HTR2C: variants seen among roughly 807,000 people sequenced by gnomAD.
HTR2C encodes the protein 5-hydroxytryptamine receptor 2C.
In HTR2C, 5 loss-of-function variants were observed where a neutral mutation model predicts 21.0. That is an observed-to-expected ratio of 0.24 (90% confidence interval 0.12 to 0.50). The LOEUF is 0.50. Among genes scored for constraint, HTR2C ranks in the 20% least tolerant of loss-of-function variants. HTR2C has a pLI of 0.98. For synonymous variants in HTR2C, 150 were observed against 145.3 expected, an observed-to-expected ratio of 1.03 and a Z score of -0.23; for missense variants, 271 against 371.2, an observed-to-expected ratio of 0.73 and a Z score of 2.22.
chrX:114,775,720 G>T, intron 4 of HTR2C: 2 of 599,781 alleles, frequency 3.3e-6, no homozygotes, highest in Non-Finnish European at 5.3e-6. Context: ...CTTTTCTATT[G>T]AAGATGTCTT....
At chrX:114,843,300 T>C (rs1259972864) in intron 4 of HTR2C, among the ~76,000 whole-genome samples, 1 of 110,854 alleles carries the variant, frequency 9.0e-6, no homozygotes, top group Non-Finnish European at 1.9e-5. Context: ...CAAAAAACAA[T>C]GGAAATATGG....
chrX:114,908,880 T>C lies in HTR2C; in HGVS notation c.*1465T>C, dbSNP rs1339717530. ...AGTATACAAGTGTTTCTAGTAACAG[T>C]ATTTCCATACGTGCCCATTTCACAC... On this transcript the variant is annotated 3_prime_UTR_variant, in exon 6 of 6. Transcript: ENST00000276198. The C allele has an allele frequency of 8.9e-6, 1 of 112,767 alleles. No individual in the cohort carries two copies. Among genetic ancestry groups the C allele is most frequent in the East Asian group, 2.8e-4 (1 of 3,577 alleles). The allele number at this position is 112,767 out of a possible 1,213,427, so 9.3% of individuals were successfully genotyped here.
rs190345569 is a variant in HTR2C, at chrX:114,648,756, T to G, written c.-80+34875T>G. 2.2e-4 allele frequency among the ~76,000 whole-genome samples: 24 copies of G among 111,589 alleles called. No individual in the cohort carries two copies. The Admixed American group carries it at 2.3e-3, about 11-fold the overall frequency. ...AAGAAAGTTATGCAAATTGACAGATTGTTGGTGTCATCATCATTATTGCTT... is the reference window on the plus strand; with the variant it reads ...AAGAAAGTTATGCAAATTGACAGATGGTTGGTGTCATCATCATTATTGCTT... On this transcript the variant is annotated intron_variant, in intron 2 of 5. Transcript: ENST00000276198.
intron 4 of HTR2C, among the ~76,000 whole-genome samples, chrX:114,734,984 T>G (rs782482119): frequency 1.2e-4 from 13 of 111,577 alleles, no homozygotes; most frequent in African/African-American, 4.2e-4. Context: ...ATTCAGGGAA[T>G]TATGTACCAC....
chrX:114,892,920 A>AT (rs782425407), intron 5 of HTR2C, among the ~76,000 whole-genome samples: 77 of 101,970 alleles, frequency 7.6e-4, no homozygotes, highest in Middle Eastern at 5.1e-3. Context: ...TTTTATTTTT[A>AT]TTTTTTTTTT....
intron 5 of HTR2C, among the ~76,000 whole-genome samples, chrX:114,894,481 AT>A (rs2071281521): frequency 9.1e-6 from 1 of 110,179 alleles, no homozygotes; most frequent in African/African-American, 3.3e-5. Flanking sequence ...CTAAAGAGTC[AT>A]TTTTTGGGGT....
chrX:114,724,108 C>T (rs1556421293), intron 2 of HTR2C, among the ~76,000 whole-genome samples: 1 of 105,971 alleles, frequency 9.4e-6, no homozygotes, highest in Non-Finnish European at 1.9e-5. Context: ...CTAATGTTGA[C>T]AGTGGGGTGT....
At chrX:114,667,133 G>A (rs1931205346) in intron 2 of HTR2C, among the ~76,000 whole-genome samples, 1 of 110,819 alleles carries the variant, frequency 9.0e-6, no homozygotes, top group Non-Finnish European at 1.9e-5. Context: ...AAACCTATAA[G>A]CAACAAATTT....
At chrX:114,737,229 C>CTTTTT (rs200101973) in intron 4 of HTR2C, among the ~76,000 whole-genome samples, 2 of 97,289 alleles carry the variant, frequency 2.1e-5, no homozygotes, top group African/African-American at 3.9e-5. Flanking sequence ...CTTTTCTTTT[C>CTTTTT]TTTTTTTTTT....
At position 114,770,109 on chromosome X, in the gene HTR2C, T is replaced by C. The variant is rs782420899; in HGVS notation, c.349+38502T>C. Among the ~76,000 whole-genome samples the C allele has an allele frequency of 4.5e-5, 5 of 111,652 alleles. No individual in the cohort carries two copies. In the South Asian group the frequency reaches 1.9e-3, roughly 42 times the overall value. ...CTTATTTGGGTCCCTTTGTATATAT[T>C]GAGTCATTTATCTCTTGCTTCTTCC... On this transcript the variant is annotated intron_variant, in intron 4 of 5. Transcript: ENST00000276198.
chrX:114,785,851 G>A (rs2070169746), intron 4 of HTR2C, among the ~76,000 whole-genome samples: 1 of 112,095 alleles, frequency 8.9e-6, no homozygotes, highest in African/African-American at 3.2e-5. Flanking sequence ...AATAAAAGAT[G>A]GGGAAAATTC....
At chrX:114,591,919 C>G (rs1556391269) in intron 1 of HTR2C, among the ~76,000 whole-genome samples, 2 of 111,731 alleles carry the variant, frequency 1.8e-5, no homozygotes, top group African/African-American at 3.2e-5. Context: ...ACATTGATTT[C>G]TCTCTTTCCT....
intron 1 of HTR2C, among the ~76,000 whole-genome samples, chrX:114,607,963 G>T (rs1928539245): frequency 9.0e-6 from 1 of 110,994 alleles, no homozygotes. Flanking sequence ...CTCCAACCTG[G>T]GCAACAGAAA....
At chrX:114,744,157 C>A (rs1474265956) in intron 4 of HTR2C, among the ~76,000 whole-genome samples, 1 of 110,236 alleles carries the variant, frequency 9.1e-6, no homozygotes, top group African/African-American at 3.3e-5. Flanking sequence ...TCACATTGTA[C>A]ATTTTAAATA....
At chrX:114,641,895 C>T (rs1320218318) in intron 2 of HTR2C, among the ~76,000 whole-genome samples, 1 of 110,807 alleles carries the variant, frequency 9.0e-6, no homozygotes, top group East Asian at 2.8e-4. Context: ...CCTCCCCTTA[C>T]CCCCACTCCC....
At chrX:114,809,498 C>T (rs1348716896) in intron 4 of HTR2C, among the ~76,000 whole-genome samples, 3 of 109,374 alleles carry the variant, frequency 2.7e-5, no homozygotes, top group Non-Finnish European at 3.8e-5. Flanking sequence ...ATTCTCCTGC[C>T]TCAGCCTCCC....
rs181350927 is a variant in HTR2C, at chrX:114,659,206, T to C, written c.-80+45325T>C. On this transcript the variant is annotated intron_variant, in intron 2 of 5. Transcript: ENST00000276198. The stretch of plus-strand genomic sequence containing the variant: ...GGGGTAACTACCCCTATGATTCAGT[T>C]ACCTCCCACCGGATCCCTCCCACAA... Among the ~76,000 whole-genome samples, 735 of 111,254 alleles carry C rather than the reference T, an allele frequency of 6.6e-3. 4 individuals are homozygous for C. The highest frequency in any genetic ancestry group is 0.01 in the Non-Finnish European group (540 of 53,009).
At chrX:114,600,712 A>T (rs1264293979) in intron 1 of HTR2C, among the ~76,000 whole-genome samples, 1 of 111,628 alleles carries the variant, frequency 9.0e-6, no homozygotes, top group Admixed American at 9.6e-5. Context: ...TACTGTCTTT[A>T]TACTTTTGTA....
intron 4 of HTR2C, among the ~76,000 whole-genome samples, chrX:114,831,623 G>A (rs1289276905): frequency 4.7e-5 from 5 of 105,768 alleles, no homozygotes; most frequent in Non-Finnish European, 7.7e-5. Context: ...AGTAGGTTGC[G>A]AAAATTTTCT....
Sources: gnomAD v4.1 joint callset for allele counts (sites outside exome capture counted in the v4.1 genomes callset) on GRCh38, gnomAD v4.1.1 for gene constraint, MANE v1.5 for transcripts, NCBI Gene and HGNC (gene_info 2026-07-23, HGNC 2026-07-21) for gene names.